GPAT3: variants seen among roughly 807,000 people sequenced by gnomAD.
GPAT3 encodes 1-AGP acyltransferase 9.
GPAT3 carries 53 observed loss-of-function variants against 58.8 expected under a neutral mutation model. The observed-to-expected ratio is 0.90, with a 90% confidence interval of 0.72 to 1.13. The LOEUF is 1.13. GPAT3 is among the 50% of genes most tolerant of loss of function. GPAT3 has a pLI of 0.00. For synonymous variants in GPAT3, 197 were observed against 187.4 expected (o/e 1.05, Z -0.42); for missense variants, 511 against 527.6 (o/e 0.97, Z 0.31).
chr4:83,568,553 G>C (rs966411584), intron 2 of GPAT3, among the ~76,000 whole-genome samples: 5 of 151,528 alleles, frequency 3.3e-5, no homozygotes, highest in African/African-American at 1.2e-4. Context: ...TGTTGCCCAG[G>C]CTGGAGTGCT....
rs548933221 is a variant in GPAT3, at chr4:83,543,113, G to A, written c.142-1423G>A. ...TCAGGAGTTTGAGTACAGTCTGGTC[G>A]ACAAGGTGAAACCCGGTTTTTACAA... is the stretch of plus-strand genomic sequence containing the variant. On this transcript the variant is annotated intron_variant, in intron 1 of 11. Transcript: ENST00000264409. Among the ~76,000 whole-genome samples, 9 of 152,202 alleles carry A rather than the reference G, an allele frequency of 5.9e-5. No homozygotes were observed. In the South Asian group the frequency reaches 1.0e-3, roughly 18 times the overall value.
At chr4:83,579,065 T>C (rs866695010) in intron 2 of GPAT3, among the ~76,000 whole-genome samples, 1,825 of 42,440 alleles carry the variant, frequency 0.043, 261 homozygotes, top group Non-Finnish European at 0.047. Context: ...TTTCTTTCTT[T>C]CTTTCTTTCT....
chr4:83,547,479 C>T (rs501522), intron 2 of GPAT3, among the ~76,000 whole-genome samples: 62,415 of 150,928 alleles, frequency 0.41, 15,007 homozygotes, highest in African/African-American at 0.68. Flanking sequence ...GTCTCGATCT[C>T]CTGACCTTGT....
At chr4:83,563,352 C>G (rs1194546483) in intron 2 of GPAT3, among the ~76,000 whole-genome samples, 1 of 152,124 alleles carries the variant, frequency 6.6e-6, no homozygotes, top group Non-Finnish European at 1.5e-5. Flanking sequence ...GTAGCTTCCA[C>G]TCCTGTTACT....
chr4:83,544,858 T>TC (rs1724447557), intron 2 of GPAT3, among the ~76,000 whole-genome samples: 1 of 151,864 alleles, frequency 6.6e-6, no homozygotes, highest in African/African-American at 2.4e-5. Flanking sequence ...TGAAGATGGC[T>TC]GTCCGTGGTT....
intron 2 of GPAT3, 86 bp downstream of exon 2, chr4:83,544,688 G>C: frequency 7.8e-7 from 1 of 1,281,764 alleles, no homozygotes; most frequent in South Asian, 1.2e-5. Flanking sequence ...AATATGCAGA[G>C]AGCAGTGTGT....
intron 2 of GPAT3, among the ~76,000 whole-genome samples, chr4:83,570,912 C>T (rs1396036432): frequency 3.9e-5 from 6 of 152,156 alleles, no homozygotes; most frequent in East Asian, 1.9e-4. Flanking sequence ...TTACCCCAAT[C>T]GAGCTAAAGA....
Position 83,598,719 on chromosome 4 carries a change from C to A in GPAT3, c.1201C>A (p.Pro401Thr), listed in dbSNP as rs752029936. Reference sequence around the variant, plus strand: ...TATACAAGGAGGCCTGACTGAACTTCCCTGGTAAGAGAACTTTCAGAAGTA... The same window carrying A: ...TATACAAGGAGGCCTGACTGAACTTACCTGGTAAGAGAACTTTCAGAAGTA... ...IAIQGGLTEL[P>T]WDGGLKRAKV... is the part of the protein sequence containing the mutation. The change falls in exon 11 of 12, where the codon CCC becomes ACC. Residue 401 changes from proline (P) to threonine (T), a missense_variant. Physicochemically the swap from Pro to Thr is conservative, Grantham distance 38. Coordinates refer to ENST00000264409, the MANE Select transcript of GPAT3 (RefSeq NM_032717.5). 3 of 1,160,186 alleles carry A rather than the reference C, an allele frequency of 2.6e-6. No homozygotes were observed. Among genetic ancestry groups the A allele is most frequent in the South Asian group, 1.3e-5 (1 of 76,998 alleles). 71.9% of individuals were successfully genotyped at this position (1,160,186 alleles called of 1,614,324 possible). A position where few individuals can be genotyped will look rare whatever the true frequency, so the allele number is the denominator to read the frequency against.
At chr4:83,577,449 A>G (rs1222055519) in intron 2 of GPAT3, among the ~76,000 whole-genome samples, 1 of 152,224 alleles carries the variant, frequency 6.6e-6, no homozygotes, top group Non-Finnish European at 1.5e-5. Context: ...CTAAGGAAAC[A>G]TATGCTGAAG....
intron 1 of GPAT3, among the ~76,000 whole-genome samples, chr4:83,537,631 T>A (rs1295924138): frequency 2.3e-5 from 3 of 128,454 alleles, no homozygotes; most frequent in South Asian, 5.0e-4. Context: ...GTGTGTATAT[T>A]TAACATAAGA....
chr4:83,552,175 A>G (rs958971560), intron 2 of GPAT3, among the ~76,000 whole-genome samples: 10 of 152,198 alleles, frequency 6.6e-5, no homozygotes, highest in Non-Finnish European at 1.3e-4. Context: ...CAACCTCAGC[A>G]CTACTGATAC....
In GPAT3 at chr4:83,603,790, C is replaced by CAA. The variant is rs58399873; in HGVS notation, c.1206-857_1206-856dup. On this transcript the variant is annotated intron_variant, in intron 11 of 11. Coordinates refer to ENST00000264409, the MANE Select transcript of GPAT3 (RefSeq NM_032717.5). Reference sequence around the variant, plus strand: ...GGACAACAAGAGCAAAACTCTGTCTCAAAAAAAAAAAAAAAAAAAAAAGAA... The same window carrying CAA: ...GGACAACAAGAGCAAAACTCTGTCTCAAAAAAAAAAAAAAAAAAAAAAAAGAA... Among the ~76,000 whole-genome samples, 446 of 120,212 alleles carry CAA rather than the reference C, an allele frequency of 3.7e-3. 2 individuals are homozygous for CAA. Among genetic ancestry groups the CAA allele is most frequent in the African/African-American group, 0.011 (325 of 28,338 alleles). 78.9% of individuals were successfully genotyped at this position (120,212 alleles called of 152,430 possible).
intron 2 of GPAT3, among the ~76,000 whole-genome samples, chr4:83,565,708 C>T (rs1003380479): frequency 1.3e-5 from 2 of 152,074 alleles, no homozygotes; most frequent in African/African-American, 2.4e-5. Context: ...GTGGGTACCC[C>T]GAGTCCGGCG....
chr4:83,570,199 CCTT>C (rs764895174), intron 2 of GPAT3, among the ~76,000 whole-genome samples: 2 of 152,164 alleles, frequency 1.3e-5, no homozygotes, highest in Non-Finnish European at 2.9e-5. Flanking sequence ...TGTCTCAGTT[CCTT>C]CTTCTCTCTG....
chr4:83,579,225 T>TC (rs1280094953), intron 2 of GPAT3, among the ~76,000 whole-genome samples: 1 of 142,668 alleles, frequency 7.0e-6, no homozygotes, highest in Non-Finnish European at 1.5e-5. Flanking sequence ...CTTCCTTCCT[T>TC]CCTTCTCTCC....
intron 6 of GPAT3, among the ~76,000 whole-genome samples, chr4:83,592,666 T>A (rs1484719833): frequency 6.6e-5 from 10 of 152,126 alleles, no homozygotes; most frequent in African/African-American, 2.4e-4. Context: ...TAGAAATGTT[T>A]TCAAGCTTAC....
chr4:83,556,070 T>A (rs1724928612), intron 2 of GPAT3, among the ~76,000 whole-genome samples: 1 of 152,190 alleles, frequency 6.6e-6, no homozygotes, highest in Admixed American at 6.5e-5. Context: ...ATATTTAGCA[T>A]TACAATCAAA....
At chr4:83,540,487 G>T (rs919528460) in intron 1 of GPAT3, among the ~76,000 whole-genome samples, 5 of 152,156 alleles carry the variant, frequency 3.3e-5, no homozygotes, top group African/African-American at 1.2e-4. Flanking sequence ...AGAGAAGCTG[G>T]CATGGTAAAA....
At chr4:83,561,950 C>G (rs1270529272) in intron 2 of GPAT3, among the ~76,000 whole-genome samples, 1 of 150,976 alleles carries the variant, frequency 6.6e-6, no homozygotes, top group African/African-American at 2.4e-5. Context: ...TATAATTGGT[C>G]ATTTTTTGAT....
Sources: gnomAD v4.1 joint callset for allele counts (sites outside exome capture counted in the v4.1 genomes callset) on GRCh38, gnomAD v4.1.1 for gene constraint, MANE v1.5 for transcripts, NCBI Gene and HGNC (gene_info 2026-07-23, HGNC 2026-07-21) for gene names.